PIAS1: variants seen among roughly 807,000 people sequenced by gnomAD.
PIAS1 encodes protein inhibitor of activated STAT 1, also known as E3 SUMO-protein ligase PIAS1.
PIAS1 carries 6 observed loss-of-function variants against 71.3 expected under a neutral mutation model. The ratio of observed to expected loss-of-function variants is 0.08; its 90% CI spans 0.05 to 0.17. PIAS1 has a LOEUF of 0.17. Ranked by LOEUF, PIAS1 falls within the 10% of genes least tolerant of loss-of-function variation. PIAS1 has a pLI of 1.00. For missense variants in PIAS1, 555 were observed against 793.6 expected, an observed-to-expected ratio of 0.70 and a Z score of 3.61; for synonymous variants, 303 against 292.9, an observed-to-expected ratio of 1.03 and a Z score of -0.35.
intron 7 of PIAS1, among the ~76,000 whole-genome samples, chr15:68,157,755 TAACACCCACCCC>T (rs1260718692): frequency 2.0e-5 from 3 of 152,168 alleles, no homozygotes; most frequent in African/African-American, 7.2e-5. Flanking sequence ...GGTTTAAAAC[TAACACCCACCCC>T]AAAATACATG....
At chr15:68,124,784 A>G (rs1388137779) in intron 2 of PIAS1, among the ~76,000 whole-genome samples, 1 of 152,172 alleles carries the variant, frequency 6.6e-6, no homozygotes, top group Non-Finnish European at 1.5e-5. Flanking sequence ...TAAAATGTCA[A>G]ATAGGCTCAT....
Position 68,187,461 on chromosome 15 carries a change from G to C in PIAS1, c.1663-81G>C, listed in dbSNP as rs540821463. On this transcript the variant is annotated intron_variant, in intron 13 of 13. Coordinates refer to ENST00000249636, the MANE Select transcript of PIAS1 (RefSeq NM_016166.3). This position sits in a 1 kb window ranked among gnomAD's most constrained non-coding sequence, Gnocchi z 5.3. Reference sequence around the variant, plus strand: ...AGATACTCAGGCTATCTTAAATTTAGGGCTGTGTCCCGCTGAGGAGAAAAT... The same window carrying C: ...AGATACTCAGGCTATCTTAAATTTACGGCTGTGTCCCGCTGAGGAGAAAAT... 7.3e-5 allele frequency: 95 copies of C among 1,299,672 alleles called. No homozygotes were observed. The East Asian group carries it at 2.1e-3, about 29-fold the overall frequency. 80.5% of individuals were successfully genotyped at this position (1,299,672 alleles called of 1,614,324 possible).
intron 1 of PIAS1, among the ~76,000 whole-genome samples, chr15:68,070,074 T>C (rs909533430): frequency 6.6e-6 from 1 of 152,158 alleles, no homozygotes; most frequent in Non-Finnish European, 1.5e-5. Context: ...GGAAAAGATA[T>C]GAAAGAGTTA....
intron 1 of PIAS1, among the ~76,000 whole-genome samples, chr15:68,062,451 A>G (rs2091970137): frequency 6.6e-6 from 1 of 152,218 alleles, no homozygotes; most frequent in Non-Finnish European, 1.5e-5. Context: ...TTGTGTAACC[A>G]TTAACCACAA....
chr15:68,069,530 C>T (rs1224153816), intron 1 of PIAS1, among the ~76,000 whole-genome samples: 1 of 152,104 alleles, frequency 6.6e-6, no homozygotes, highest in South Asian at 2.1e-4. Flanking sequence ...AGGCTGGGCA[C>T]GGTGGCTCAT....
chr15:68,151,939 A>ATTTTTTTTTTTTTT lies in PIAS1; in HGVS notation c.829-1643_829-1630dup, dbSNP rs1201017658. On this transcript the variant is annotated intron_variant, in intron 6 of 13. Transcript: ENST00000249636. ...ATGTTGTATGCTCTAAAATTTAGGA[A>ATTTTTTTTTTTTTT]TTTTTTTTTTTTTTTTTTTTTGGGG... is the stretch of plus-strand genomic sequence containing the variant. 4.4e-5 allele frequency among the ~76,000 whole-genome samples: 3 copies of ATTTTTTTTTTTTTT among 68,196 alleles called. 1 individual carries two copies. Among genetic ancestry groups the ATTTTTTTTTTTTTT allele is most frequent in the East Asian group, 5.3e-4 (1 of 1,902 alleles). The allele number at this position is 68,196 out of a possible 152,430, so 44.7% of individuals were successfully genotyped here.
chr15:68,084,195 G>A (rs1392639928), intron 1 of PIAS1, among the ~76,000 whole-genome samples: 2 of 152,074 alleles, frequency 1.3e-5, no homozygotes, highest in Admixed American at 6.5e-5. Context: ...TTGCTGGTTT[G>A]TTTTTGATTT....
intron 2 of PIAS1, among the ~76,000 whole-genome samples, chr15:68,089,193 C>T (rs2092312779): frequency 6.6e-6 from 1 of 152,104 alleles, no homozygotes; most frequent in Non-Finnish European, 1.5e-5. Flanking sequence ...TGATAATTCC[C>T]ATTTTATTAG....
Position 68,190,087 on chromosome 15 carries a change from A to AC in PIAS1, c.*2254dup. 1 of 151,874 alleles carries AC rather than the reference A, an allele frequency of 6.6e-6. No homozygotes were observed. The highest frequency in any genetic ancestry group is 6.6e-5 in the Admixed American group (1 of 15,244). 9.4% of individuals were successfully genotyped at this position (151,874 alleles called of 1,614,324 possible). On this transcript the variant is annotated 3_prime_UTR_variant, in exon 14 of 14. Transcript: ENST00000249636. This position sits in a 1 kb window ranked among gnomAD's most constrained non-coding sequence, Gnocchi z 4.7. ...CTTTGTGTATGATGCTGAATTACAA[A>AC]CCGTTTGAATGATCCAGTTGAAAAC...
intron 3 of PIAS1, 108 bp downstream of exon 3, chr15:68,142,138 ATAT>A (rs2141047662): frequency 1.1e-6 from 1 of 941,094 alleles, no homozygotes; most frequent in African/African-American, 1.6e-5. Flanking sequence ...TGTGATGCAA[ATAT>A]TAGTAATGAA....
intron 8 of PIAS1, among the ~76,000 whole-genome samples, chr15:68,169,152 G>GT (rs2092975056): frequency 6.6e-6 from 1 of 152,078 alleles, no homozygotes; most frequent in Non-Finnish European, 1.5e-5. Context: ...TCTCTACTTA[G>GT]TATTAAGGCA....
intron 2 of PIAS1, among the ~76,000 whole-genome samples, chr15:68,119,399 C>G (rs2092595326): frequency 6.6e-6 from 1 of 151,474 alleles, no homozygotes; most frequent in Non-Finnish European, 1.5e-5. Context: ...GAGCCAAGAT[C>G]ATGCCACTGC....
chr15:68,149,247 G>GA (rs948871231), intron 6 of PIAS1, among the ~76,000 whole-genome samples: 8 of 151,752 alleles, frequency 5.3e-5, no homozygotes, highest in Non-Finnish European at 7.4e-5. Context: ...GGGCTAGAGG[G>GA]AAAAAATGTG....
intron 12 of PIAS1, among the ~76,000 whole-genome samples, chr15:68,182,425 A>AGTGTGTGT (rs10532167): frequency 0.018 from 2,196 of 123,290 alleles, 51 homozygotes; most frequent in Admixed American, 0.023. Context: ...AGTTACAGCT[A>AGTGTGTGT]GTGTGTGTGT....
At chr15:68,182,490 CGTGTGTGT>C (rs67774530) in intron 12 of PIAS1, among the ~76,000 whole-genome samples, 45 of 123,354 alleles carry the variant, frequency 3.6e-4, no homozygotes, top group Non-Finnish European at 6.7e-4. Flanking sequence ...GCTCAGGCTG[CGTGTGTGT>C]GTGTGTGTGT....
rs1180056831 is a variant in PIAS1 at position 68,187,375 on chromosome 15, C to CA, written c.1663-166dup. Among the ~76,000 whole-genome samples the CA allele has an allele frequency of 6.6e-6, 1 of 152,164 alleles. No homozygotes were observed. The highest frequency in any genetic ancestry group is 1.5e-5 in the Non-Finnish European group (1 of 68,032). On this transcript the variant is annotated intron_variant, in intron 13 of 13. Transcript: ENST00000249636. This position sits in a 1 kb window ranked among gnomAD's most constrained non-coding sequence, Gnocchi z 5.3. The stretch of plus-strand genomic sequence containing the variant: ...AAATGTCTTCTCAAGATCAATGCTC[C>CA]AGTCCTTACATAAGGCCATTTGATT...
chr15:68,185,905 T>A lies in PIAS1; in HGVS notation c.1663-1637T>A, dbSNP rs1363227669. Among the ~76,000 whole-genome samples the A allele has an allele frequency of 6.6e-6, 1 of 151,862 alleles. No homozygotes were observed. Among genetic ancestry groups the A allele is most frequent in the Non-Finnish European group, 1.5e-5 (1 of 67,970 alleles). ...TGAACCTGGGAGGCGGAGGTTGCAG[T>A]GAGCCGAGATTGCGTGCACCACTCT... On this transcript the variant is annotated intron_variant, in intron 13 of 13. Coordinates refer to ENST00000249636, the MANE Select transcript of PIAS1 (RefSeq NM_016166.3). This position sits in a 1 kb window ranked among gnomAD's most constrained non-coding sequence, Gnocchi z 4.4.
intron 2 of PIAS1, among the ~76,000 whole-genome samples, chr15:68,135,172 G>T (rs2092718941): frequency 2.1e-5 from 1 of 48,076 alleles, no homozygotes; most frequent in African/African-American, 4.5e-5. Flanking sequence ...TCCCGGACGG[G>T]GTGGCTGGCC....
chr15:68,083,260 T>C (rs2092245905), intron 1 of PIAS1, among the ~76,000 whole-genome samples: 1 of 152,196 alleles, frequency 6.6e-6, no homozygotes. Context: ...ACACTTTTCA[T>C]TGTGAATTGA....
Sources: gnomAD v4.1 joint callset for allele counts (sites outside exome capture counted in the v4.1 genomes callset) on GRCh38, gnomAD v4.1.1 for gene constraint, Gnocchi (gnomAD v3.1) non-coding constraint, MANE v1.5 for transcripts, NCBI Gene and HGNC (gene_info 2026-07-23, HGNC 2026-07-21) for gene names.